The following KDM7A variants were observed in gnomAD, a reference collection of about 807,000 sequenced individuals.
The protein encoded by KDM7A is lysine demethylase 7A.
In KDM7A, 28 loss-of-function variants were observed where a neutral mutation model predicts 114.8. The observed-to-expected ratio is 0.24, with a 90% CI of 0.18 to 0.33. The LOEUF is 0.33. Ranked by LOEUF, KDM7A falls within the 10% of genes least tolerant of loss-of-function variation. KDM7A has a pLI of 1.00. For missense variants in KDM7A, 942 were observed against 1,142.5 expected, an observed-to-expected ratio of 0.82 and a Z score of 2.53; for synonymous variants, 423 against 397.8, an observed-to-expected ratio of 1.06 and a Z score of -0.75.
chr7:140,100,950 C>T lies in KDM7A; in HGVS notation c.1639-927G>A, dbSNP rs1374486875. Reference sequence around the variant, plus strand: ...TAATTTTTTGTATTTTTAGTAGAGACGGGGTTTCACCGTGGTCTCGATCTC... The same window carrying T: ...TAATTTTTTGTATTTTTAGTAGAGATGGGGTTTCACCGTGGTCTCGATCTC... On this transcript the variant is annotated intron_variant, in intron 12 of 19. Coordinates refer to ENST00000397560, the MANE Select transcript of KDM7A (RefSeq NM_030647.2). Among the ~76,000 whole-genome samples the T allele has an allele frequency of 6.0e-5, 9 of 150,770 alleles. No individual in the cohort carries two copies. In the South Asian group the frequency reaches 1.1e-3, roughly 18 times the overall value.
rs1346733274 is a variant in KDM7A, at chr7:140,087,426, C to G, written c.*3668G>C. The G allele has an allele frequency of 1.3e-5, 2 of 152,080 alleles. No homozygotes were observed. The highest frequency in any genetic ancestry group is 2.4e-5 in the African/African-American group (1 of 41,376). The allele number at this position is 152,080 out of a possible 1,614,324, so 9.4% of individuals were successfully genotyped here. The stretch of plus-strand genomic sequence containing the variant: ...TAATCCAGCACCTTGTTGGAGATTC[C>G]TCGGATTTTTAAAGTAGCATGCCCT... On this transcript the variant is annotated 3_prime_UTR_variant, in exon 20 of 20. Transcript: ENST00000397560.
chr7:140,102,374 A>ATT (rs149936748), intron 11 of KDM7A, among the ~76,000 whole-genome samples: 6 of 143,222 alleles, frequency 4.2e-5, no homozygotes, highest in African/African-American at 1.0e-4. Flanking sequence ...TACTTCCTTG[A>ATT]TTTTTTTTTT....
At chr7:140,142,602 G>C (rs1339394831) in intron 1 of KDM7A, among the ~76,000 whole-genome samples, 2 of 152,122 alleles carry the variant, frequency 1.3e-5, no homozygotes, top group Non-Finnish European at 2.9e-5. Flanking sequence ...AAACTAAAAA[G>C]CCTGATGATA....
intron 2 of KDM7A, 124 bp downstream of exon 2, chr7:140,138,981 C>A: frequency 1.7e-6 from 1 of 574,194 alleles, no homozygotes; most frequent in East Asian, 2.9e-5. Context: ...AAATCTTTCC[C>A]TACAGTTCTT....
intron 19 of KDM7A, among the ~76,000 whole-genome samples, chr7:140,091,418 G>A (rs1818017449): frequency 6.6e-6 from 1 of 152,114 alleles, no homozygotes; most frequent in African/African-American, 2.4e-5. Flanking sequence ...TCTTCAGCCT[G>A]GGCTCTTCCC....
chr7:140,151,976 T>C (rs1325971271), intron 1 of KDM7A, among the ~76,000 whole-genome samples: 1 of 152,326 alleles, frequency 6.6e-6, no homozygotes, highest in East Asian at 1.9e-4. Flanking sequence ...AACATATATC[T>C]AGGACACTTA....
chr7:140,135,137 T>TA (rs1818846624), intron 2 of KDM7A, among the ~76,000 whole-genome samples: 1 of 151,966 alleles, frequency 6.6e-6, no homozygotes, highest in South Asian at 2.1e-4. Flanking sequence ...TTTTCTCATT[T>TA]AAAATCACTC....
At chr7:140,115,095 C>T (rs998864901) in intron 9 of KDM7A, among the ~76,000 whole-genome samples, 9 of 150,882 alleles carry the variant, frequency 6.0e-5, no homozygotes, top group South Asian at 4.2e-4. Flanking sequence ...GGGCAGCCCC[C>T]GCCCGGCCAG....
In KDM7A at chr7:140,176,834, G is replaced by T; in HGVS notation, c.104C>A (p.Pro35His). 7.5e-7 allele frequency: 1 copy of T among 1,336,196 alleles called. No individual in the cohort carries two copies. Among genetic ancestry groups the T allele is most frequent in the Non-Finnish European group, 9.8e-7 (1 of 1,023,300 alleles). The allele number at this position is 1,336,196 out of a possible 1,614,324, so 82.8% of individuals were successfully genotyped here. A position where few individuals can be genotyped will look rare whatever the true frequency, so the allele number is the denominator to read the frequency against. The change falls in exon 1 of 20, where the codon CCC becomes CAC. Residue 35 changes from proline to histidine, a missense_variant. Physicochemically the swap from Pro to His is moderately conservative, Grantham distance 77. Coordinates refer to ENST00000397560, the MANE Select transcript of KDM7A (RefSeq NM_030647.2). The surrounding 1 kb of genome is among the most constrained non-coding windows in gnomAD (Gnocchi z 4.4). Reference sequence around the variant, plus strand: ...CCGGCACACACAGTACACGGGCGGGGGCGGCGGAGGCGCCGAGGCCCGGCC... The same window carrying T: ...CCGGCACACACAGTACACGGGCGGGTGCGGCGGAGGCGCCGAGGCCCGGCC... ...APGRASAPPP[P>H]PPVYCVCRQP...
At chr7:140,100,687 T>TATATATATATATAC (rs1562945948) in intron 12 of KDM7A, among the ~76,000 whole-genome samples, 22 of 40,918 alleles carry the variant, frequency 5.4e-4, no homozygotes, top group South Asian at 4.6e-3. Context: ...TATACATATA[T>TATATATATATATAC]ACATATATAT....
At chr7:140,168,853 A>C (rs533995820) in intron 1 of KDM7A, among the ~76,000 whole-genome samples, 35 of 152,382 alleles carry the variant, frequency 2.3e-4, no homozygotes, top group African/African-American at 8.2e-4. Flanking sequence ...AGATAATGAC[A>C]GCTAGGTTTC....
In KDM7A at chr7:140,087,861, G is replaced by A. The variant is rs1212252552; in HGVS notation, c.*3233C>T. 6.6e-6 allele frequency: 1 copy of A among 152,154 alleles called. No homozygotes were observed. The highest frequency in any genetic ancestry group is 1.5e-5 in the Non-Finnish European group (1 of 68,018). The allele number at this position is 152,154 out of a possible 1,614,324, so 9.4% of individuals were successfully genotyped here. On this transcript the variant is annotated 3_prime_UTR_variant, in exon 20 of 20. Coordinates refer to ENST00000397560, the MANE Select transcript of KDM7A (RefSeq NM_030647.2). ...TAAAAAAGTCAGCATGTTTTTTAAT[G>A]AACAGGTCCTCTTTTGCTCATGTTT...
rs576219770 is a variant in KDM7A, at chr7:140,114,317, G to A, written c.1247-735C>T. Among the ~76,000 whole-genome samples the A allele has an allele frequency of 7.7e-4, 117 of 152,210 alleles. 1 individual carries two copies. The highest frequency in any genetic ancestry group is 4.1e-3 in the South Asian group (20 of 4,828). On this transcript the variant is annotated intron_variant, in intron 9 of 19. Transcript: ENST00000397560. The stretch of plus-strand genomic sequence containing the variant: ...CGAGTGCCTGGGATTGCAGGCGCGC[G>A]CCACCACGCCTGATTGGTTTTCGTA...
chr7:140,174,941 G>T (rs748250846), intron 1 of KDM7A, among the ~76,000 whole-genome samples: 1 of 151,320 alleles, frequency 6.6e-6, no homozygotes, highest in Non-Finnish European at 1.5e-5. Context: ...AGTTTAAACC[G>T]CCTCAAATTT....
chr7:140,170,985 G>C (rs936284160), intron 1 of KDM7A, among the ~76,000 whole-genome samples: 1 of 152,058 alleles, frequency 6.6e-6, no homozygotes, highest in Middle Eastern at 3.2e-3. Flanking sequence ...AGCTACTTGA[G>C]AGGCTGAAAC....
intron 1 of KDM7A, among the ~76,000 whole-genome samples, chr7:140,156,102 G>A (rs1166461529): frequency 6.6e-6 from 1 of 152,150 alleles, no homozygotes; most frequent in Non-Finnish European, 1.5e-5. Flanking sequence ...TGAAAAAGAA[G>A]GGATTCTAAA....
chr7:140,153,053 T>C (rs1490516831), intron 1 of KDM7A, among the ~76,000 whole-genome samples: 2 of 150,670 alleles, frequency 1.3e-5, no homozygotes, highest in Non-Finnish European at 3.0e-5. Flanking sequence ...AGAGACAGGG[T>C]TTCATCATGT....
intron 1 of KDM7A, among the ~76,000 whole-genome samples, chr7:140,166,727 C>A (rs1362610431): frequency 6.6e-6 from 1 of 152,050 alleles, no homozygotes; most frequent in Non-Finnish European, 1.5e-5. Flanking sequence ...AAATCAGGAA[C>A]AAAGCAAGCA....
Position 140,098,971 on chromosome 7 carries a change from T to A in KDM7A, c.1826A>T (p.Asp609Val). Residue 609 changes from aspartate to valine, a missense_variant, in exon 14 of 20, where the codon GAT becomes GTT. By Grantham distance (152) the Asp-to-Val change is radical. Around this residue, in one of 4 missense-constraint regions of KDM7A, gnomAD observed 512 missense variants for 576.6 expected, o/e 0.89. Transcript: ENST00000397560. Reference protein sequence around the residue: ...LYTADSENEEDKRRTKKAKMK... With the variant: ...LYTADSENEEVKRRTKKAKMK... ...TTTTGCCTTTTTTGTCCTTCTTTTATCCTCTTCATTTTCACTATCTGCTGT... is the reference window on the plus strand; with the variant it reads ...TTTTGCCTTTTTTGTCCTTCTTTTAACCTCTTCATTTTCACTATCTGCTGT... 1 of 1,613,432 alleles carries A rather than the reference T, an allele frequency of 6.2e-7. No homozygotes were observed. Among genetic ancestry groups the A allele is most frequent in the Non-Finnish European group, 8.5e-7 (1 of 1,179,434 alleles).
Sources: gnomAD v4.1 joint callset for allele counts (sites outside exome capture counted in the v4.1 genomes callset) on GRCh38, gnomAD v4.1.1 for gene constraint, gnomAD v4.1.1 regional missense constraint, Gnocchi (gnomAD v3.1) non-coding constraint, MANE v1.5 for transcripts, NCBI Gene and HGNC (gene_info 2026-07-23, HGNC 2026-07-21) for gene names.